Variants in CPB2 observed in about 807,000 individuals in gnomAD.
CPB2 encodes the protein carboxypeptidase B-like protein.
CPB2 carries 54 observed loss-of-function variants against 57.0 expected under a neutral mutation model. That is an observed-to-expected ratio of 0.95 (90% confidence interval 0.76 to 1.19). The LOEUF (loss-of-function observed/expected upper bound fraction) is 1.19. Ranked by LOEUF, CPB2 falls within the 50% of genes most tolerant of loss-of-function variation. CPB2 has a pLI of 0.00. For synonymous variants in CPB2, 189 were observed against 178.1 expected, an observed-to-expected ratio of 1.06 and a Z score of -0.49; for missense variants, 426 against 512.0, an observed-to-expected ratio of 0.83 and a Z score of 1.62.
chr13:46,089,911 G>T (rs181973147), intron 1 of CPB2, among the ~76,000 whole-genome samples: 1 of 152,130 alleles, frequency 6.6e-6, no homozygotes, highest in Non-Finnish European at 1.5e-5. Flanking sequence ...CTGCCCAAAC[G>T]TACTAAGACA....
At position 46,064,707 on chromosome 13, in the gene CPB2, G is replaced by A. The variant is rs374776365; in HGVS notation, c.737C>T (p.Ala246Val). The A allele has an allele frequency of 6.4e-5, 103 of 1,613,884 alleles. No individual in the cohort carries two copies. The highest frequency in any genetic ancestry group is 2.4e-4 in the African/African-American group (18 of 74,912). The change falls in exon 8 of 11, where the codon GCG becomes GTG. Residue 246 changes from alanine to valine, a missense_variant. Physicochemically the swap from Ala to Val is moderately conservative, Grantham distance 64. Coordinates refer to ENST00000181383, the MANE Select transcript of CPB2 (RefSeq NM_001872.5). ...GTCTGTTCCGATGCAATGATTGTTC[G>A]CATAGAAAGAACGGTTCTTTCTCCA... ...RMWRKNRSFY[A>V]NNHCIGTDLN...
intron 6 of CPB2, among the ~76,000 whole-genome samples, chr13:46,072,808 C>A (rs1425637060): frequency 6.6e-6 from 1 of 152,138 alleles, no homozygotes; most frequent in African/African-American, 2.4e-5. Flanking sequence ...TACTTTGGAC[C>A]TTTCTCTATT....
chr13:46,063,623 A>G (rs1231594545), intron 8 of CPB2, among the ~76,000 whole-genome samples: 2 of 152,182 alleles, frequency 1.3e-5, no homozygotes, highest in Non-Finnish European at 2.9e-5. Context: ...TAGTGCTGCA[A>G]TGAACATATG....
intron 5 of CPB2, among the ~76,000 whole-genome samples, chr13:46,077,360 A>G (rs1454901249): frequency 2.6e-5 from 4 of 152,222 alleles, no homozygotes; most frequent in Non-Finnish European, 5.9e-5. Context: ...AATGTGAATT[A>G]AAACCACAAT....
rs1448153438 is a variant in CPB2, at chr13:46,067,347, G to A, written c.662C>T (p.Pro221Leu). The A allele has an allele frequency of 3.8e-6, 6 of 1,594,000 alleles. No homozygotes were observed. The highest frequency in any genetic ancestry group is 5.2e-6 in the Non-Finnish European group (6 of 1,162,266). ...LLRLVDFYVM[P>L]VVNVDGYDYS... is the part of the protein sequence containing the mutation. ...GTCATAACCATCCACATTAACCACT[G>A]GCATAACATAGAAATCCACAAGCCT... The change falls in exon 7 of 11, where the codon CCA (proline) becomes CTA (leucine). Residue 221 changes from proline to leucine, a missense_variant. Physicochemically the swap from Pro to Leu is moderately conservative, Grantham distance 98. Transcript: ENST00000181383.
intron 1 of CPB2, among the ~76,000 whole-genome samples, chr13:46,092,268 A>G (rs1330091625): frequency 2.0e-5 from 3 of 152,220 alleles, no homozygotes; most frequent in African/African-American, 7.2e-5. Flanking sequence ...TTATGACTAA[A>G]TGCAACATGG....
In CPB2 at chr13:46,053,586, C is replaced by T; in HGVS notation, c.*28G>A. ...TTGCTGGAATCAGTAAATTAAAATA[C>T]GGAAGCAGAATGATAAAATCAGGGG... On this transcript the variant is annotated 3_prime_UTR_variant, in exon 11 of 11. Coordinates refer to ENST00000181383, the MANE Select transcript of CPB2 (RefSeq NM_001872.5). 1 of 1,594,158 alleles carries T rather than the reference C, an allele frequency of 6.3e-7. No individual in the cohort carries two copies. Among genetic ancestry groups the T allele is most frequent in the Non-Finnish European group, 8.6e-7 (1 of 1,166,554 alleles).
At chr13:46,087,607 T>G in intron 2 of CPB2, 138 bp downstream of exon 2, 1 of 631,078 alleles carries the variant, frequency 1.6e-6, no homozygotes, top group Non-Finnish European at 2.8e-6. Context: ...ATCATGTGAT[T>G]ATGAGAAGGG....
chr13:46,059,614 ATC>A (rs2044743711), intron 8 of CPB2, among the ~76,000 whole-genome samples: 1 of 127,078 alleles, frequency 7.9e-6, no homozygotes, highest in Non-Finnish European at 1.7e-5. Flanking sequence ...CATCATCATC[ATC>A]ATCATGTGGA....
chr13:46,085,799 G>T (rs17844190), intron 2 of CPB2, among the ~76,000 whole-genome samples: 226 of 152,280 alleles, frequency 1.5e-3, no homozygotes, highest in African/African-American at 5.2e-3. Context: ...CCCTGGGGTC[G>T]CTTCACCAGC....
At chr13:46,060,477 A>C (rs965971754) in intron 8 of CPB2, among the ~76,000 whole-genome samples, 6 of 151,052 alleles carry the variant, frequency 4.0e-5, no homozygotes, top group African/African-American at 7.3e-5. Context: ...CACACACACA[A>C]AAAGAAATAT....
At chr13:46,094,940 G>T (rs1223064538) in intron 1 of CPB2, 3 of 152,110 alleles carry the variant, frequency 2.0e-5, no homozygotes, top group African/African-American at 7.2e-5. Flanking sequence ...TATAAAAAAA[G>T]AATCTAAAAA....
In CPB2 at chr13:46,084,299, T is replaced by G. The variant is rs200389755; in HGVS notation, c.195A>C (p.Lys65Asn). The change falls in exon 3 of 11, where the codon AAA (lysine) becomes AAC (asparagine). Residue 65 changes from lysine to asparagine, a missense_variant. Lys to Asn is a moderately conservative substitution (Grantham distance 94). Transcript: ENST00000181383. ...CATTTACAAAAAAATGGACTTGTTT[T>G]TTCTTCACAATAAGGTCAGCTGTTA... Reference protein sequence around the residue: ...QPVTADLIVKKKQVHFFVNAS... With the variant: ...QPVTADLIVKNKQVHFFVNAS... 1 of 1,614,188 alleles carries G rather than the reference T, an allele frequency of 6.2e-7. No homozygotes were observed. The highest frequency in any genetic ancestry group is 8.5e-7 in the Non-Finnish European group (1 of 1,180,028).
At chr13:46,094,207 T>C (rs955424023) in intron 1 of CPB2, among the ~76,000 whole-genome samples, 3 of 152,192 alleles carry the variant, frequency 2.0e-5, no homozygotes, top group African/African-American at 7.2e-5. Context: ...ATAGCATTTT[T>C]ATTCTAGTGT....
At chr13:46,098,025 C>T (rs1356954592) in intron 1 of CPB2, among the ~76,000 whole-genome samples, 2 of 152,130 alleles carry the variant, frequency 1.3e-5, no homozygotes, top group Non-Finnish European at 2.9e-5. Flanking sequence ...GTAATTGACT[C>T]CAATAATCAG....
intron 7 of CPB2, 85 bp downstream of exon 7, chr13:46,067,222 G>T: frequency 1.6e-6 from 1 of 641,178 alleles, no homozygotes; most frequent in Non-Finnish European, 2.7e-6. Flanking sequence ...ATTGTGCCTA[G>T]ATCCAGAATT....
rs34686626 is a variant in CPB2 at position 46,095,876 on chromosome 13, C to CTTTTTTTTTTTTTTT, written c.75-8071_75-8057dup. 3.5e-5 allele frequency among the ~76,000 whole-genome samples: 3 copies of CTTTTTTTTTTTTTTT among 85,746 alleles called. 1 individual carries two copies. Among genetic ancestry groups the CTTTTTTTTTTTTTTT allele is most frequent in the African/African-American group, 9.9e-5 (2 of 20,272 alleles). 56.3% of individuals were successfully genotyped at this position (85,746 alleles called of 152,430 possible). ...CTGATGTGTGACTCTGGCTATAGGACTTTTTTTTTTTTTTTTTTTTTTGAG... is the reference window on the plus strand; with the variant it reads ...CTGATGTGTGACTCTGGCTATAGGACTTTTTTTTTTTTTTTTTTTTTTTTTTTTTTTTTTTTTGAG... On this transcript the variant is annotated intron_variant, in intron 1 of 10. Transcript: ENST00000181383.
intron 1 of CPB2, among the ~76,000 whole-genome samples, chr13:46,092,564 A>G (rs555771436): frequency 6.6e-6 from 1 of 152,240 alleles, no homozygotes; most frequent in Admixed American, 6.5e-5. Context: ...AGAGGTTATG[A>G]TAACTTCTGT....
intron 3 of CPB2, among the ~76,000 whole-genome samples, chr13:46,082,961 T>C (rs966574990): frequency 1.4e-4 from 21 of 151,982 alleles, no homozygotes; most frequent in African/African-American, 5.1e-4. Context: ...TTTCTTTCTT[T>C]TTTTTTTTTT....
Sources: gnomAD v4.1 joint callset for allele counts (sites outside exome capture counted in the v4.1 genomes callset) on GRCh38, gnomAD v4.1.1 for gene constraint, MANE v1.5 for transcripts, NCBI Gene and HGNC (gene_info 2026-07-23, HGNC 2026-07-21) for gene names.